Variants in DUSP11 observed in about 807,000 individuals in gnomAD.
DUSP11 encodes the protein RNA/RNP complex-1-interacting phosphatase.
DUSP11 carries 27 observed loss-of-function variants against 41.4 expected under a neutral mutation model. The observed-to-expected ratio is 0.65, with a 90% CI of 0.48 to 0.90. The LOEUF is 0.90. Among genes scored for constraint, DUSP11 ranks in the 40% least tolerant of loss-of-function variants. The probability of loss-of-function intolerance (pLI) is 0.00; values close to 1 mark genes in which losing one functional copy is unlikely to be tolerated. For synonymous variants in DUSP11, 188 were observed against 159.3 expected (o/e 1.18, Z -1.35); for missense variants, 465 against 461.1 (o/e 1.01, Z -0.08).
At chr2:73,775,377 T>C (rs1573184121) in intron 2 of DUSP11, among the ~76,000 whole-genome samples, 1 of 149,778 alleles carries the variant, frequency 6.7e-6, no homozygotes, top group East Asian at 2.0e-4. Context: ...TTTCTTTTTT[T>C]TTTTTTTTTT....
chr2:73,770,925 T>C (rs999757552), intron 4 of DUSP11, among the ~76,000 whole-genome samples: 11 of 152,170 alleles, frequency 7.2e-5, no homozygotes, highest in African/African-American at 2.4e-4. Context: ...CCTAGCATAG[T>C]CATGCCTCAG....
In DUSP11 at chr2:73,773,931, G is replaced by A; in HGVS notation, c.451-8C>T. The A allele has an allele frequency of 6.4e-7, 1 of 1,566,726 alleles. No individual in the cohort carries two copies. Among genetic ancestry groups the A allele is most frequent in the Non-Finnish European group, 8.7e-7 (1 of 1,151,564 alleles). Reference sequence around the variant, plus strand: ...AACAGTTTCTGGCAAATCCTATAAAGCAAAACCATAAAAGATGTGTATTAT... The same window carrying A: ...AACAGTTTCTGGCAAATCCTATAAAACAAAACCATAAAAGATGTGTATTAT... On this transcript the variant is annotated splice_region_variant and splice_polypyrimidine_tract_variant and intron_variant, in intron 3 of 8. Transcript: ENST00000272444.
intron 1 of DUSP11, chr2:73,779,565 G>A (rs1195664843): frequency 5.9e-5 from 23 of 392,508 alleles, no homozygotes; most frequent in Non-Finnish European, 9.8e-5. Flanking sequence ...GAATTGAGGA[G>A]GTTCCATTTT....
chr2:73,779,707 C>A, intron 1 of DUSP11, 167 bp downstream of exon 1: 1 of 996,076 alleles, frequency 1.0e-6, no homozygotes, highest in South Asian at 1.7e-5. Context: ...ACAGACATCG[C>A]CCCTTTCAGC....
chr2:73,770,575 A>T (rs1672554915), intron 4 of DUSP11, among the ~76,000 whole-genome samples: 1 of 152,026 alleles, frequency 6.6e-6, no homozygotes, highest in East Asian at 1.9e-4. Context: ...GATTACTACA[A>T]CAAACTAATC....
intron 2 of DUSP11, among the ~76,000 whole-genome samples, chr2:73,775,296 G>C (rs554745920): frequency 6.6e-6 from 1 of 151,272 alleles, no homozygotes; most frequent in South Asian, 2.1e-4. Context: ...TAATCTCCCA[G>C]ATTTTATTCA....
chr2:73,779,902 T>G, exon 1 of DUSP11: 1 of 1,614,200 alleles, frequency 6.2e-7, no homozygotes, highest in African/African-American at 1.3e-5. Flanking sequence ...CCGCCCTTCT[T>G]CTTGGCTGAG....
At position 73,780,069 on chromosome 2, in the gene DUSP11, A is replaced by C. The variant is rs886215773; in HGVS notation, c.47T>G (p.Val16Gly). Residue 16 changes from valine (V) to glycine (G), a missense_variant, in exon 1 of 9, where the codon GTC (valine) becomes GGC (glycine). Coordinates refer to ENST00000272444, the Ensembl canonical transcript of DUSP11. ...AGGATAAGACCCTAAACAGGAAAAG[A>C]CTCGGCAGCCACCTACGCCGCGCTC... The C allele has an allele frequency of 6.2e-6, 10 of 1,600,374 alleles. No individual in the cohort carries two copies. The highest frequency in any genetic ancestry group is 1.1e-5 in the South Asian group (1 of 90,078).
Position 73,762,910 on chromosome 2 carries a change from T to A in DUSP11, c.936-51A>T, listed in dbSNP as rs574791712. On this transcript the variant is annotated intron_variant, in intron 8 of 8. Coordinates refer to ENST00000272444, the Ensembl canonical transcript of DUSP11. ...GCCATTACTAGGATTAATACAATAATTTTTATTTATTTTAAATTTATATTT... is the reference window on the plus strand; with the variant it reads ...GCCATTACTAGGATTAATACAATAAATTTTATTTATTTTAAATTTATATTT... The A allele has an allele frequency of 3.9e-5, 28 of 714,310 alleles. No individual in the cohort carries two copies. In the African/African-American group the frequency reaches 4.3e-4, roughly 11 times the overall value. 44.2% of individuals were successfully genotyped at this position (714,310 alleles called of 1,614,324 possible). A position where few individuals can be genotyped will look rare whatever the true frequency, so the allele number is the denominator to read the frequency against.
rs747146433 is a variant in DUSP11 at position 73,766,921 on chromosome 2, T to C, written c.683-18A>G. 1.3e-6 allele frequency: 2 copies of C among 1,597,008 alleles called. No individual in the cohort carries two copies. Among genetic ancestry groups the C allele is most frequent in the South Asian group, 2.3e-5 (2 of 88,704 alleles). On this transcript the variant is annotated intron_variant, in intron 6 of 8. Coordinates refer to ENST00000272444, the Ensembl canonical transcript of DUSP11. Reference sequence around the variant, plus strand: ...ATTGAATACTGAGGAGAGGATAAACTGTTAGAAATAACTGTACAAAAAGCA... The same window carrying C: ...ATTGAATACTGAGGAGAGGATAAACCGTTAGAAATAACTGTACAAAAAGCA...
At chr2:73,779,976 T>C in exon 1 of DUSP11, 1 of 1,614,198 alleles carries the variant, frequency 6.2e-7, no homozygotes. Flanking sequence ...CTGGCTCATG[T>C]GGGTCCCAAG....
chr2:73,770,341 C>T (rs1415051075), intron 4 of DUSP11, among the ~76,000 whole-genome samples: 1 of 151,288 alleles, frequency 6.6e-6, no homozygotes, highest in East Asian at 1.9e-4. Flanking sequence ...ATGGTGAAAC[C>T]CCATCTCTAC....
chr2:73,778,425 C>T, intron 1 of DUSP11, 49 bp from the exon 2 acceptor site: 1 of 1,258,866 alleles, frequency 7.9e-7, no homozygotes, highest in Non-Finnish European at 1.1e-6. Flanking sequence ...GCCTTGTTTC[C>T]TTGCACAAAA....
At chr2:73,779,054 G>A (rs1353649709) in intron 1 of DUSP11, among the ~76,000 whole-genome samples, 2 of 152,226 alleles carry the variant, frequency 1.3e-5, no homozygotes, top group Non-Finnish European at 2.9e-5. Context: ...GGGCGGCTGA[G>A]GGAGGAGAAT....
chr2:73,767,091 GAT>G (rs1009603418), intron 6 of DUSP11, 68 bp downstream of exon 6: 44 of 1,477,014 alleles, frequency 3.0e-5, no homozygotes, highest in East Asian at 4.5e-5. Context: ...TCCAAAATTT[GAT>G]AAATTCTTCT....
chr2:73,763,026 T>C (rs893410938), intron 8 of DUSP11, among the ~76,000 whole-genome samples, 167 bp from the exon 9 acceptor site: 7 of 152,168 alleles, frequency 4.6e-5, no homozygotes, highest in Non-Finnish European at 7.3e-5. Context: ...AATACTTAAT[T>C]GTTATTTCCC....
chr2:73,779,985 A>T lies in DUSP11; in HGVS notation c.131T>A (p.Leu44His), dbSNP rs1374663649. The change falls in exon 1 of 9, where the codon CTT (leucine) becomes CAT (histidine). Residue 44 changes from leucine to histidine, a missense_variant. Leu to His is a moderately conservative substitution (Grantham distance 99). The change creates a new upstream start codon in the 5' untranslated region. Transcript: ENST00000272444. ...ATGCCACTGGCTCATGTGGGTCCCAAGAAGCCGCCCACCCAATGCCAAGTC... is the reference window on the plus strand; with the variant it reads ...ATGCCACTGGCTCATGTGGGTCCCATGAAGCCGCCCACCCAATGCCAAGTC... 1 of 1,614,134 alleles carries T rather than the reference A, an allele frequency of 6.2e-7. No homozygotes were observed. The highest frequency in any genetic ancestry group is 8.5e-7 in the Non-Finnish European group (1 of 1,180,050).
Position 73,766,415 on chromosome 2 carries a change from T to C in DUSP11, c.935+3A>G. ...CTAGAAAAGGGAAAACAGAGAGAGG[T>C]ACCTGACTGATTGTTGCAAACTTTG... On this transcript the variant is annotated splice_donor_region_variant and intron_variant, in intron 8 of 8. Transcript: ENST00000272444. The C allele has an allele frequency of 3.1e-6, 5 of 1,608,194 alleles. No homozygotes were observed. The Admixed American group carries it at 5.1e-5, about 16-fold the overall frequency.
At chr2:73,773,723 G>T in intron 4 of DUSP11, 77 bp downstream of exon 4, 3 of 1,426,630 alleles carry the variant, frequency 2.1e-6, no homozygotes, top group South Asian at 1.4e-5. Flanking sequence ...TCTGAGGTTG[G>T]AACTATAAAA....
Sources: gnomAD v4.1 joint callset for allele counts (sites outside exome capture counted in the v4.1 genomes callset) on GRCh38, gnomAD v4.1.1 for gene constraint, MANE v1.5 for transcripts, NCBI Gene and HGNC (gene_info 2026-07-23, HGNC 2026-07-21) for gene names.